The following RANBP2 variants were observed in gnomAD, a reference collection of about 807,000 sequenced individuals.
The protein encoded by RANBP2 is E3 SUMO-protein ligase RanBP2.
Under a neutral mutation model 303.6 loss-of-function variants are expected in RANBP2, and 57 were observed. The ratio of observed to expected loss-of-function variants is 0.19; its 90% CI spans 0.15 to 0.23. RANBP2 has a LOEUF of 0.23. Among genes scored for constraint, RANBP2 ranks in the 10% least tolerant of loss-of-function variants. The pLI, the probability that RANBP2 is intolerant of heterozygous loss-of-function variation, is 1.00. For missense variants in RANBP2, 3,138 were observed against 3,780.8 expected (o/e 0.83, Z 4.46); for synonymous variants, 1,167 against 1,301.5 (o/e 0.90, Z 2.23).
chr2:108,854,024 TTATATTATATATAATATATAATAAATTTA>T, the RANBP2 span, among the ~76,000 whole-genome samples: 11 of 107,834 alleles, frequency 1.0e-4, no homozygotes, highest in South Asian at 7.3e-4. Flanking sequence ...TATAATAAAT[TTATATTATATATAATATATAATAAATTTA>T]TATTATATAT....
At chr2:109,288,082 C>T in the RANBP2 span, among the ~76,000 whole-genome samples, 1 of 152,226 alleles carries the variant, frequency 6.6e-6, no homozygotes, top group African/African-American at 2.4e-5. Flanking sequence ...TTAATATAGT[C>T]TCATGCCCTG....
chr2:108,735,959 T>G, intron 5 of RANBP2, 145 bp from the exon 6 acceptor site: 4 of 1,559,026 alleles, frequency 2.6e-6, no homozygotes, highest in Non-Finnish European at 3.5e-6. Flanking sequence ...ATGTATATAT[T>G]TTTGGTGTTT....
the RANBP2 span, among the ~76,000 whole-genome samples, chr2:108,819,671 C>T: frequency 6.6e-6 from 1 of 152,188 alleles, no homozygotes; most frequent in Non-Finnish European, 1.5e-5. Flanking sequence ...AAACCTCTAA[C>T]TGGGCTGATT....
the RANBP2 span, among the ~76,000 whole-genome samples, chr2:108,825,806 C>T: frequency 1.3e-5 from 2 of 152,100 alleles, no homozygotes; most frequent in African/African-American, 4.8e-5. Flanking sequence ...TTTTTCTTGA[C>T]TACATACCTA....
the RANBP2 span, among the ~76,000 whole-genome samples, chr2:109,203,224 C>T: frequency 6.6e-6 from 1 of 152,206 alleles, no homozygotes; most frequent in Non-Finnish European, 1.5e-5. Flanking sequence ...AGCCAGGAGC[C>T]TCTTCAGAGA....
At chr2:108,970,527 G>A in the RANBP2 span, among the ~76,000 whole-genome samples, 1 of 152,198 alleles carries the variant, frequency 6.6e-6, no homozygotes, top group East Asian at 1.9e-4. Flanking sequence ...GCCTCTGGAC[G>A]GTGCCCAGGG....
chr2:108,854,027 TATTATATATAATATATAATAAATTTA>T, the RANBP2 span, among the ~76,000 whole-genome samples: 1 of 108,618 alleles, frequency 9.2e-6, no homozygotes, highest in Admixed American at 1.3e-4. Context: ...AATAAATTTA[TATTATATATAATATATAATAAATTTA>T]TATTATATAT....
chr2:108,778,591 T>C (rs1489042584), intron 25 of RANBP2, among the ~76,000 whole-genome samples: 1 of 152,254 alleles, frequency 6.6e-6, no homozygotes, highest in Non-Finnish European at 1.5e-5. Flanking sequence ...CAAATACTTT[T>C]ACAAGTGGGT....
chr2:109,051,602 G>T, the RANBP2 span, among the ~76,000 whole-genome samples: 2 of 152,086 alleles, frequency 1.3e-5, no homozygotes, highest in Non-Finnish European at 2.9e-5. Context: ...AGGGAGAGGG[G>T]TAGTTACATT....
chr2:109,346,730 T>C, the RANBP2 span, among the ~76,000 whole-genome samples: 1 of 152,110 alleles, frequency 6.6e-6, no homozygotes, highest in Admixed American at 6.5e-5. Context: ...CAGAAGCAGC[T>C]TAGAATCTTG....
chr2:109,016,403 G>A, the RANBP2 span, among the ~76,000 whole-genome samples: 2 of 152,086 alleles, frequency 1.3e-5, no homozygotes, highest in Non-Finnish European at 2.9e-5. Context: ...TGGTATTATT[G>A]TTACCAACCT....
At chr2:109,666,986 G>A in the RANBP2 span, 5 of 422,694 alleles carry the variant, frequency 1.2e-5, no homozygotes, top group South Asian at 1.2e-4. Flanking sequence ...TTTGATGGAT[G>A]ACTGAGTCCT....
chr2:109,476,567 A>C, the RANBP2 span, among the ~76,000 whole-genome samples: 1 of 152,180 alleles, frequency 6.6e-6, no homozygotes, highest in Non-Finnish European at 1.5e-5. Flanking sequence ...TTTCCTCTAA[A>C]GCTCTCGGGC....
chr2:109,074,727 T>C, the RANBP2 span, among the ~76,000 whole-genome samples: 1 of 148,398 alleles, frequency 6.7e-6, no homozygotes, highest in Non-Finnish European at 1.5e-5. Flanking sequence ...ATAGTAATAA[T>C]TACTTAAAAT....
At chr2:109,269,722 T>C in the RANBP2 span, among the ~76,000 whole-genome samples, 1 of 152,088 alleles carries the variant, frequency 6.6e-6, no homozygotes, top group Non-Finnish European at 1.5e-5. Flanking sequence ...GAGGTTGCAG[T>C]GAGGTGAGAT....
the RANBP2 span, among the ~76,000 whole-genome samples, chr2:108,897,773 G>C: frequency 6.6e-6 from 1 of 152,150 alleles, no homozygotes; most frequent in Non-Finnish European, 1.5e-5. Flanking sequence ...TTAAAAACTT[G>C]ATATTGCTGT....
chr2:109,402,389 T>A, the RANBP2 span, among the ~76,000 whole-genome samples: 1 of 152,344 alleles, frequency 6.6e-6, no homozygotes, highest in East Asian at 1.9e-4. Flanking sequence ...GGTCAGTGGG[T>A]GGCACTTCGG....
the RANBP2 span, among the ~76,000 whole-genome samples, chr2:109,629,236 A>AAATAAATAAATAAAT: frequency 1.3e-4 from 14 of 109,656 alleles, no homozygotes; most frequent in South Asian, 1.7e-3. Context: ...ATAAATAAAT[A>AAATAAATAAATAAAT]AAATGCTTAA....
the RANBP2 span, among the ~76,000 whole-genome samples, chr2:109,206,694 T>C: frequency 1.3e-5 from 2 of 152,052 alleles, no homozygotes; most frequent in African/African-American, 4.8e-5. Flanking sequence ...TGTATGCTTA[T>C]AATTCCAGCT....
Sources: gnomAD v4.1 joint callset for allele counts (sites outside exome capture counted in the v4.1 genomes callset) on GRCh38, gnomAD v4.1.1 for gene constraint, MANE v1.5 for transcripts, NCBI Gene and HGNC (gene_info 2026-07-23, HGNC 2026-07-21) for gene names.